The following ZCCHC24 variants were observed in gnomAD, a reference collection of about 807,000 sequenced individuals.
The protein encoded by ZCCHC24 is zinc finger CCHC-type containing 24.
ZCCHC24 carries 10 observed loss-of-function variants against 26.2 expected under a neutral mutation model. That is an observed-to-expected ratio of 0.38 (90% CI 0.24 to 0.65). The LOEUF is 0.65. Among genes scored for constraint, ZCCHC24 ranks in the 30% least tolerant of loss-of-function variants. The pLI is 0.54. For missense variants in ZCCHC24, 243 were observed against 329.1 expected, an observed-to-expected ratio of 0.74 and a Z score of 2.03; for synonymous variants, 144 against 147.1, an observed-to-expected ratio of 0.98 and a Z score of 0.15.
At chr10:79,423,796 T>A (rs1353233964) in intron 2 of ZCCHC24, among the ~76,000 whole-genome samples, 1 of 150,204 alleles carries the variant, frequency 6.7e-6, no homozygotes, top group African/African-American at 2.4e-5. Flanking sequence ...GGCAGGCGGA[T>A]CACTTGAGGT....
chr10:79,388,328 G>T (rs1040026068), intron 3 of ZCCHC24, among the ~76,000 whole-genome samples: 6 of 152,212 alleles, frequency 3.9e-5, no homozygotes, highest in African/African-American at 1.4e-4. Context: ...AAGGACCTAG[G>T]AAGGGCACGT....
At chr10:79,403,591 A>AG in intron 2 of ZCCHC24, 1 of 985,392 alleles carries the variant, frequency 1.0e-6, no homozygotes, top group Non-Finnish European at 1.2e-6. Context: ...ACGCGGCAAG[A>AG]GGCCACCCGG....
intron 3 of ZCCHC24, among the ~76,000 whole-genome samples, chr10:79,393,769 CCCCTT>C (rs1223490835): frequency 4.1e-4 from 62 of 152,230 alleles, no homozygotes; most frequent in African/African-American, 1.4e-3. Context: ...CCTGCTGTGC[CCCCTT>C]CCTAGGATGG....
At chr10:79,405,539 C>A (rs1055610145) in intron 2 of ZCCHC24, among the ~76,000 whole-genome samples, 7 of 152,250 alleles carry the variant, frequency 4.6e-5, no homozygotes, top group African/African-American at 1.2e-4. Context: ...GTGCTGAGCA[C>A]CCTGGACGGC....
intron 2 of ZCCHC24, 123 bp downstream of exon 2, chr10:79,432,435 C>A: frequency 9.7e-7 from 1 of 1,030,734 alleles, no homozygotes; most frequent in East Asian, 2.9e-5. Context: ...GCCAGAGGAC[C>A]ACGGGGCCAC....
chr10:79,445,530 C>CGG lies in ZCCHC24; in HGVS notation c.-91_-90insCC. On this transcript the variant is annotated 5_prime_UTR_variant, in exon 1 of 4. Coordinates refer to ENST00000372336, the MANE Select transcript of ZCCHC24 (RefSeq NM_153367.4). ...GCGGGCACCGGGGAGCCTGTGCCCA[C>CGG]TGCCCGCCTCCCGAGCCCCGACGGT... 1 of 1,140,174 alleles carries CGG rather than the reference C, an allele frequency of 8.8e-7. No individual in the cohort carries two copies. Among genetic ancestry groups the CGG allele is most frequent in the Non-Finnish European group, 1.1e-6 (1 of 909,950 alleles). The allele number at this position is 1,140,174 out of a possible 1,614,324, so 70.6% of individuals were successfully genotyped here.
chr10:79,405,289 T>A (rs1789847471), intron 2 of ZCCHC24, among the ~76,000 whole-genome samples: 1 of 152,248 alleles, frequency 6.6e-6, no homozygotes, highest in South Asian at 2.1e-4. Flanking sequence ...CCTCTCTGTG[T>A]GCTGCGGTCA....
chr10:79,411,538 T>G (rs35028747), intron 2 of ZCCHC24, among the ~76,000 whole-genome samples: 98,200 of 152,072 alleles, frequency 0.65, 32,126 homozygotes, highest in African/African-American at 0.72. Context: ...TGGAACCAGA[T>G]TCTAGAGGGA....
At chr10:79,411,555 G>C (rs774130289) in intron 2 of ZCCHC24, among the ~76,000 whole-genome samples, 2 of 152,278 alleles carry the variant, frequency 1.3e-5, no homozygotes, top group Non-Finnish European at 2.9e-5. Flanking sequence ...GGGAAAGGTG[G>C]CCCCAGCCTC....
chr10:79,411,536 G>A (rs1238067001), intron 2 of ZCCHC24, among the ~76,000 whole-genome samples: 2 of 152,194 alleles, frequency 1.3e-5, no homozygotes, highest in Non-Finnish European at 2.9e-5. Flanking sequence ...GATGGAACCA[G>A]ATTCTAGAGG....
chr10:79,423,571 A>AATATATAGACTATATATATATTTT (rs1856976313), intron 2 of ZCCHC24, among the ~76,000 whole-genome samples: 1 of 12,558 alleles, frequency 8.0e-5, no homozygotes, highest in Non-Finnish European at 1.6e-4. Context: ...AAACAAACAA[A>AATATATAGACTATATATATATTTT]ATATATATAC....
At chr10:79,442,573 G>A (rs1188802698) in intron 1 of ZCCHC24, among the ~76,000 whole-genome samples, 1 of 152,180 alleles carries the variant, frequency 6.6e-6, no homozygotes, top group Non-Finnish European at 1.5e-5. Flanking sequence ...CAGACAGGCC[G>A]TGGTCAGTGG....
chr10:79,443,552 G>T (rs1857316703), intron 1 of ZCCHC24, among the ~76,000 whole-genome samples: 1 of 152,190 alleles, frequency 6.6e-6, no homozygotes, highest in African/African-American at 2.4e-5. Context: ...CACCTTGTCT[G>T]TTTACTCATC....
intron 2 of ZCCHC24, among the ~76,000 whole-genome samples, chr10:79,416,221 A>G (rs933354911): frequency 2.6e-5 from 4 of 152,138 alleles, no homozygotes; most frequent in African/African-American, 9.7e-5. Context: ...GACAGGATGC[A>G]TATTGCTGGG....
intron 2 of ZCCHC24, among the ~76,000 whole-genome samples, chr10:79,430,518 G>A (rs550956562): frequency 1.1e-4 from 17 of 152,084 alleles, no homozygotes; most frequent in Admixed American, 8.5e-4. Flanking sequence ...TCCTTCTGCC[G>A]TAGAGTTAAG....
At chr10:79,394,119 T>TCCTTC (rs1856513166) in intron 3 of ZCCHC24, among the ~76,000 whole-genome samples, 157 bp downstream of exon 3, 1 of 152,334 alleles carries the variant, frequency 6.6e-6, no homozygotes, top group South Asian at 2.1e-4. Flanking sequence ...CCCATCATCC[T>TCCTTC]CCTTCCCTTC....
At chr10:79,436,041 G>C (rs1239718896) in intron 1 of ZCCHC24, among the ~76,000 whole-genome samples, 2 of 152,182 alleles carry the variant, frequency 1.3e-5, no homozygotes, top group African/African-American at 4.8e-5. Context: ...GCTTTCCTAG[G>C]GTCCAGACAC....
intron 2 of ZCCHC24, among the ~76,000 whole-genome samples, chr10:79,401,412 A>T (rs1856630455): frequency 6.6e-6 from 1 of 152,216 alleles, no homozygotes; most frequent in Admixed American, 6.5e-5. Flanking sequence ...TTCAGATGGG[A>T]ACGCTGACGC....
chr10:79,403,443 G>C, intron 2 of ZCCHC24: 1 of 985,474 alleles, frequency 1.0e-6, no homozygotes, highest in South Asian at 4.7e-5. Context: ...GCACGGCCGG[G>C]GGAGGCAGGT....
Sources: gnomAD v4.1 joint callset for allele counts (sites outside exome capture counted in the v4.1 genomes callset) on GRCh38, gnomAD v4.1.1 for gene constraint, MANE v1.5 for transcripts, NCBI Gene and HGNC (gene_info 2026-07-23, HGNC 2026-07-21) for gene names.